Variants in PIH1D2 observed in about 807,000 individuals in gnomAD.
PIH1D2 encodes the protein PIH1 domain-containing protein 2.
PIH1D2 carries 25 observed loss-of-function variants against 31.2 expected under a neutral mutation model. That is an observed-to-expected ratio of 0.80 (90% CI 0.58 to 1.12). PIH1D2 has a LOEUF of 1.12. Ranked by LOEUF, PIH1D2 falls within the 50% of genes most tolerant of loss-of-function variation. The pLI, the probability that PIH1D2 is intolerant of heterozygous loss-of-function variation, is 0.00. For missense variants in PIH1D2, 310 were observed against 356.6 expected, an observed-to-expected ratio of 0.87 and a Z score of 1.05; for synonymous variants, 116 against 119.9, an observed-to-expected ratio of 0.97 and a Z score of 0.21.
At chr11:112,052,931 T>TA in the PIH1D2 span, among the ~76,000 whole-genome samples, 1 of 152,066 alleles carries the variant, frequency 6.6e-6, no homozygotes, top group Non-Finnish European at 1.5e-5. Context: ...TAACAAAACA[T>TA]ACTCCTATCA....
chr11:112,073,508 C>T (rs1438456605), intron 1 of PIH1D2, among the ~76,000 whole-genome samples: 1 of 152,140 alleles, frequency 6.6e-6, no homozygotes, highest in Non-Finnish European at 1.5e-5. Flanking sequence ...TGACTGGTGG[C>T]TCCCCAGTTC....
intron 2 of PIH1D2, among the ~76,000 whole-genome samples, chr11:112,072,075 G>A (rs1466045594): frequency 3.3e-5 from 5 of 151,956 alleles, no homozygotes; most frequent in South Asian, 2.1e-4. Context: ...CCCGGGTGAC[G>A]AGAGTGAAAC....
chr11:112,058,252 A>G (rs908219128), downstream of PIH1D2, among the ~76,000 whole-genome samples: 1 of 152,250 alleles, frequency 6.6e-6, no homozygotes, highest in Non-Finnish European at 1.5e-5. Flanking sequence ...TTGAACAAGC[A>G]ATATTGTAAT....
the PIH1D2 span, among the ~76,000 whole-genome samples, chr11:112,057,334 C>A: frequency 6.6e-6 from 1 of 152,210 alleles, no homozygotes; most frequent in Non-Finnish European, 1.5e-5. Context: ...TTTCACGTCT[C>A]TTACTTTAAA....
downstream of PIH1D2, among the ~76,000 whole-genome samples, chr11:112,066,524 G>A (rs587605337): frequency 2.0e-3 from 307 of 151,854 alleles, no homozygotes; most frequent in Non-Finnish European, 3.4e-3. Flanking sequence ...TGTAATCCCA[G>A]CTACTCGGGA....
At chr11:112,065,814 C>T (rs1173619056), downstream of PIH1D2, among the ~76,000 whole-genome samples, 1 of 152,074 alleles carries the variant, frequency 6.6e-6, no homozygotes, top group Non-Finnish European at 1.5e-5. Flanking sequence ...GACCCAGTCT[C>T]TACTGAAAAT....
At chr11:112,061,665 G>A (rs969298085), downstream of PIH1D2, 12 of 162,108 alleles carry the variant, frequency 7.4e-5, no homozygotes, top group Non-Finnish European at 1.3e-4. Flanking sequence ...TGCAATCCCC[G>A]CCTCCCAGGT....
intron 4 of PIH1D2, 80 bp from the exon 5 acceptor site, chr11:112,070,781 T>G: frequency 7.0e-7 from 1 of 1,422,866 alleles, no homozygotes; most frequent in South Asian, 1.4e-5. Context: ...ATATGTGGTG[T>G]TAGTAGAGAT....
the PIH1D2 span, among the ~76,000 whole-genome samples, chr11:112,057,831 GC>G: frequency 1.3e-5 from 2 of 151,492 alleles, no homozygotes; most frequent in Non-Finnish European, 2.9e-5. Flanking sequence ...AGATCTACCA[GC>G]AAAAAATTAC....
downstream of PIH1D2, chr11:112,059,969 T>C: frequency 6.2e-7 from 1 of 1,613,958 alleles, no homozygotes; most frequent in Non-Finnish European, 8.5e-7. Flanking sequence ...CTATTGTGTT[T>C]AATGCACATA....
downstream of PIH1D2, chr11:112,062,772 G>A (rs1208842121): frequency 6.3e-6 from 3 of 479,112 alleles, no homozygotes; most frequent in African/African-American, 2.0e-5. Flanking sequence ...TCCTAATTAA[G>A]GGACATGTAT....
intron 2 of PIH1D2, among the ~76,000 whole-genome samples, chr11:112,072,270 G>C (rs1865142450): frequency 6.6e-6 from 1 of 151,964 alleles, no homozygotes; most frequent in Non-Finnish European, 1.5e-5. Context: ...TCCAGACTGG[G>C]GTGGTGGCTC....
chr11:112,053,874 C>T, the PIH1D2 span, among the ~76,000 whole-genome samples: 63 of 152,238 alleles, frequency 4.1e-4, no homozygotes, highest in African/African-American at 1.4e-3. Flanking sequence ...GACTGACTCC[C>T]CGTTAAAGAA....
chr11:112,063,146 G>T (rs1395645047), downstream of PIH1D2: 1 of 152,626 alleles, frequency 6.6e-6, no homozygotes, highest in Non-Finnish European at 1.5e-5. Context: ...ATTTTTCTAT[G>T]AATTCCTACA....
downstream of PIH1D2, among the ~76,000 whole-genome samples, chr11:112,061,959 C>G (rs184804367): frequency 6.6e-6 from 1 of 151,966 alleles, no homozygotes; most frequent in Non-Finnish European, 1.5e-5. Flanking sequence ...ATAAAAAATA[C>G]GAAATTCTTC....
Position 112,070,425 on chromosome 11 carries a change from A to G in PIH1D2, c.813+11T>C. On this transcript the variant is annotated intron_variant, in intron 5 of 5. Transcript: ENST00000280350. ...CCAATACAAATTTACAGTGTTATCT[A>G]TTCAACTTACCTCAGAAACACTAAG... 1 of 1,611,712 alleles carries G rather than the reference A, an allele frequency of 6.2e-7. No homozygotes were observed. The highest frequency in any genetic ancestry group is 1.1e-5 in the South Asian group (1 of 91,000).
chr11:112,058,019 G>A, the PIH1D2 span, among the ~76,000 whole-genome samples: 3 of 152,098 alleles, frequency 2.0e-5, no homozygotes, highest in Non-Finnish European at 4.4e-5. Flanking sequence ...CATGTGACTC[G>A]CTTTATTGCA....
At chr11:112,055,921 G>T in the PIH1D2 span, among the ~76,000 whole-genome samples, 123 of 115,622 alleles carry the variant, frequency 1.1e-3, 2 homozygotes, top group Non-Finnish European at 6.9e-4. Context: ...AGGCTGGAGT[G>T]CAATGGTGCT....
intron 2 of PIH1D2, 182 bp downstream of exon 2, chr11:112,072,816 A>T (rs1423675913): frequency 1.1e-5 from 7 of 611,840 alleles, no homozygotes; most frequent in Non-Finnish European, 1.1e-5. Flanking sequence ...GCGAGCCAAG[A>T]CCACACCATT....
Sources: allele counts gnomAD v4.1 joint callset (sites outside exome capture counted in the v4.1 genomes callset), GRCh38; gene constraint gnomAD v4.1.1; transcripts MANE v1.5; gene names NCBI Gene and HGNC (gene_info 2026-07-23, HGNC 2026-07-21).